Variants in FOXP1 observed in about 807,000 individuals in gnomAD.
The protein encoded by FOXP1 is forkhead box P1.
A neutral mutation model predicts 98.2 loss-of-function variants in FOXP1; 15 were observed. The observed-to-expected ratio is 0.15, with a 90% CI of 0.10 to 0.24. The LOEUF is 0.24. Among genes scored for constraint, FOXP1 ranks in the 10% least tolerant of loss-of-function variants. The pLI is 1.00. For synonymous variants in FOXP1, 371 were observed against 314.5 expected, an observed-to-expected ratio of 1.18 and a Z score of -1.90; for missense variants, 633 against 848.5, an observed-to-expected ratio of 0.75 and a Z score of 3.15.
chr3:71,133,927 AT>A (rs2059694984), intron 6 of FOXP1, among the ~76,000 whole-genome samples: 1 of 152,190 alleles, frequency 6.6e-6, no homozygotes, highest in African/African-American at 2.4e-5. Flanking sequence ...TAGTAAGTGC[AT>A]TCATTTAAAT....
At chr3:71,360,814 G>C (rs1447909001) in intron 3 of FOXP1, 1 of 152,170 alleles carries the variant, frequency 6.6e-6, no homozygotes, top group Non-Finnish European at 1.5e-5. Flanking sequence ...TACTCAGATG[G>C]AGAAGTTGAA....
intron 3 of FOXP1, among the ~76,000 whole-genome samples, chr3:71,414,446 C>T (rs916377664): frequency 2.0e-5 from 3 of 152,340 alleles, no homozygotes; most frequent in African/African-American, 7.2e-5. Flanking sequence ...CCTGCGGCAC[C>T]ATCCACACCC....
At position 71,241,158 on chromosome 3, in the gene FOXP1, C is replaced by T. The variant is rs186820888; in HGVS notation, c.-11-42766G>A. On this transcript the variant is annotated intron_variant, in intron 5 of 20. Transcript: ENST00000649528. ...CCGGGAGGCGGAGCTTGCAGTGAGT[C>T]GAGATCCCACCATTGCACTCTAGCC... Among the ~76,000 whole-genome samples, 296 of 151,458 alleles carry T rather than the reference C, an allele frequency of 2.0e-3. 2 individuals carry two copies. The highest frequency in any genetic ancestry group is 0.016 in the Admixed American group (238 of 15,214).
chr3:71,452,188 T>C (rs1162379504), intron 3 of FOXP1, among the ~76,000 whole-genome samples: 1 of 152,146 alleles, frequency 6.6e-6, no homozygotes, highest in Non-Finnish European at 1.5e-5. Flanking sequence ...CCACTCTGCA[T>C]CTTTGGAAAC....
chr3:71,372,686 C>T (rs2079429840), intron 3 of FOXP1, among the ~76,000 whole-genome samples: 1 of 152,152 alleles, frequency 6.6e-6, no homozygotes, highest in African/African-American at 2.4e-5. Flanking sequence ...ATTACTAAAT[C>T]TAAATATACC....
chr3:71,203,131 G>C (rs985444678), intron 5 of FOXP1, among the ~76,000 whole-genome samples: 18 of 152,192 alleles, frequency 1.2e-4, no homozygotes, highest in African/African-American at 4.3e-4. Flanking sequence ...CCAGAAACAA[G>C]ACCAAATCTT....
chr3:70,956,482 G>C lies in FOXP1; in HGVS notation c.*2765C>G, dbSNP rs1411819521. 4.4e-6 allele frequency: 1 copy of C among 226,044 alleles called. No homozygotes were observed. Among genetic ancestry groups the C allele is most frequent in the East Asian group, 6.3e-5 (1 of 15,922 alleles). 14.0% of individuals were successfully genotyped at this position (226,044 alleles called of 1,614,324 possible). The stretch of plus-strand genomic sequence containing the variant: ...AAGACATACGACTAAGTGCAACTGA[G>C]TGAAATGTTTTTTTTTTAAATTTTA... On this transcript the variant is annotated 3_prime_UTR_variant, in exon 21 of 21. Transcript: ENST00000649528.
intron 5 of FOXP1, among the ~76,000 whole-genome samples, chr3:71,226,436 G>A (rs1488547289): frequency 4.6e-5 from 7 of 151,824 alleles, no homozygotes. Context: ...CAGCCTCACT[G>A]CTCAACTCCA....
chr3:71,469,808 T>C (rs1325566691), intron 3 of FOXP1, among the ~76,000 whole-genome samples: 3 of 151,772 alleles, frequency 2.0e-5, no homozygotes, highest in Non-Finnish European at 4.4e-5. Flanking sequence ...AAATATCAGT[T>C]CCCCCCCAGT....
At chr3:71,000,932 G>A (rs2042053347) in intron 13 of FOXP1, 40 bp downstream of exon 13, 2 of 1,312,916 alleles carry the variant, frequency 1.5e-6, no homozygotes, top group Non-Finnish European at 2.2e-6. Flanking sequence ...TGGAATTTGA[G>A]GCATACTGAG....
At chr3:71,209,699 G>A (rs1354082290) in intron 5 of FOXP1, among the ~76,000 whole-genome samples, 1 of 152,126 alleles carries the variant, frequency 6.6e-6, no homozygotes, top group African/African-American at 2.4e-5. Flanking sequence ...AAATTTCCCT[G>A]ATGTGCACTA....
At chr3:71,529,209 G>T (rs2043632886) in intron 2 of FOXP1, among the ~76,000 whole-genome samples, 1 of 152,170 alleles carries the variant, frequency 6.6e-6, no homozygotes, top group Non-Finnish European at 1.5e-5. Flanking sequence ...AAAGTTTTCA[G>T]TTTGTTAGTA....
At chr3:71,227,028 T>C (rs895197427) in intron 5 of FOXP1, among the ~76,000 whole-genome samples, 2 of 152,198 alleles carry the variant, frequency 1.3e-5, no homozygotes, top group African/African-American at 4.8e-5. Context: ...GTAATGGCGG[T>C]GCCGGGCCTC....
rs142200432 is a variant in FOXP1, at chr3:71,330,086, T to C, written c.-73+29064A>G. 1.7e-3 allele frequency among the ~76,000 whole-genome samples: 260 copies of C among 152,280 alleles called. 2 individuals are homozygous for C. Among genetic ancestry groups the C allele is most frequent in the African/African-American group, 6.0e-3 (250 of 41,554 alleles). ...AAAGAAAAGAAAAAACATGAACTTA[T>C]ACATGTAATAACATGTATAACTCTT... On this transcript the variant is annotated intron_variant, in intron 4 of 20. Transcript: ENST00000649528.
chr3:71,091,041 TCAGAACAA>T (rs2055759368), intron 7 of FOXP1, among the ~76,000 whole-genome samples: 1 of 149,836 alleles, frequency 6.7e-6, no homozygotes, highest in African/African-American at 2.5e-5. Flanking sequence ...AATATAATGA[TCAGAACAA>T]CAGCTATAAG....
At chr3:71,204,500 A>T (rs2063887178) in intron 5 of FOXP1, among the ~76,000 whole-genome samples, 1 of 152,180 alleles carries the variant, frequency 6.6e-6, no homozygotes, top group African/African-American at 2.4e-5. Context: ...CCCAGATGAA[A>T]GCCACAGACT....
chr3:71,067,731 T>TACACACACACACACACACACACACAC lies in FOXP1; in HGVS notation c.283-13984_283-13959dup, dbSNP rs6147878. Reference sequence around the variant, plus strand: ...CACAGTGGGACTCCGTCTCCAAAAATACACACACACACACACACACACACA... The same window carrying TACACACACACACACACACACACACAC: ...CACAGTGGGACTCCGTCTCCAAAAATACACACACACACACACACACACACACACACACACACACACACACACACACA... On this transcript the variant is annotated intron_variant, in intron 7 of 20. Coordinates refer to ENST00000649528, the MANE Select transcript of FOXP1 (RefSeq NM_001349338.3). Among the ~76,000 whole-genome samples the TACACACACACACACACACACACACAC allele has an allele frequency of 3.6e-4, 46 of 126,612 alleles. 1 individual carries two copies. The highest frequency in any genetic ancestry group is 1.1e-3 in the Admixed American group (13 of 11,932). The allele number at this position is 126,612 out of a possible 152,430, so 83.1% of individuals were successfully genotyped here.
At chr3:71,452,326 C>T (rs574189205) in intron 3 of FOXP1, among the ~76,000 whole-genome samples, 1 of 152,140 alleles carries the variant, frequency 6.6e-6, no homozygotes, top group Admixed American at 6.5e-5. Context: ...GCCCCCATGC[C>T]AAGAGGGGGA....
At chr3:71,313,057 C>CTTTTT (rs1227506558) in intron 4 of FOXP1, among the ~76,000 whole-genome samples, 4 of 119,032 alleles carry the variant, frequency 3.4e-5, no homozygotes, top group Admixed American at 8.7e-5. Flanking sequence ...AACTTTAATT[C>CTTTTT]TTTTTTTTTT....
Sources: gnomAD v4.1 joint callset for allele counts (sites outside exome capture counted in the v4.1 genomes callset) on GRCh38, gnomAD v4.1.1 for gene constraint, MANE v1.5 for transcripts, NCBI Gene and HGNC (gene_info 2026-07-23, HGNC 2026-07-21) for gene names.